The following ARHGAP15 variants were observed in gnomAD, a reference collection of about 807,000 sequenced individuals.
ARHGAP15 encodes rho GTPase-activating protein 15.
Under a neutral mutation model 63.7 loss-of-function variants are expected in ARHGAP15, and 51 were observed. The observed-to-expected ratio is 0.80, with a 90% CI of 0.64 to 1.01. The LOEUF is 1.01. ARHGAP15 is among the 50% of genes least tolerant of loss of function. The pLI is 0.00. For missense variants in ARHGAP15, 560 were observed against 564.6 expected (o/e 0.99, Z 0.08); for synonymous variants, 191 against 193.8 (o/e 0.99, Z 0.12).
chr2:143,562,499 C>A (rs538856020), intron 11 of ARHGAP15, among the ~76,000 whole-genome samples: 1 of 152,190 alleles, frequency 6.6e-6, no homozygotes, highest in South Asian at 2.1e-4. Flanking sequence ...ACAGCAACAA[C>A]GAAACAAACT....
chr2:143,718,164 G>A (rs997415196), intron 13 of ARHGAP15, among the ~76,000 whole-genome samples: 1 of 152,074 alleles, frequency 6.6e-6, no homozygotes, highest in Admixed American at 6.6e-5. Flanking sequence ...AGACTGTAAT[G>A]TCTAGGCTGA....
chr2:143,359,206 G>A (rs66496433), intron 6 of ARHGAP15, among the ~76,000 whole-genome samples: 20,354 of 151,914 alleles, frequency 0.13, 1,656 homozygotes, highest in East Asian at 0.41. Flanking sequence ...ATTATCTTAG[G>A]CAATACTTTT....
intron 6 of ARHGAP15, among the ~76,000 whole-genome samples, chr2:143,299,155 A>T (rs1249892924): frequency 6.6e-6 from 1 of 151,956 alleles, no homozygotes; most frequent in Admixed American, 6.6e-5. Flanking sequence ...GGTCTAAAAA[A>T]TAATGAAGGA....
chr2:143,175,987 A>C (rs1690995830), intron 2 of ARHGAP15, among the ~76,000 whole-genome samples: 1 of 152,214 alleles, frequency 6.6e-6, no homozygotes, highest in Non-Finnish European at 1.5e-5. Flanking sequence ...TACATTGAAA[A>C]TAAAATACGT....
chr2:143,579,285 G>A (rs908604967), intron 11 of ARHGAP15, among the ~76,000 whole-genome samples: 1 of 152,112 alleles, frequency 6.6e-6, no homozygotes, highest in East Asian at 1.9e-4. Flanking sequence ...GTAAAGTTGC[G>A]ATTAGTATTT....
chr2:143,251,155 T>C (rs1465714232), intron 6 of ARHGAP15, among the ~76,000 whole-genome samples: 1 of 152,040 alleles, frequency 6.6e-6, no homozygotes, highest in Non-Finnish European at 1.5e-5. Flanking sequence ...GATGAAATCC[T>C]TGAGAGAGAT....
At chr2:143,673,126 G>A (rs1682612333) in intron 12 of ARHGAP15, among the ~76,000 whole-genome samples, 1 of 151,848 alleles carries the variant, frequency 6.6e-6, no homozygotes, top group Non-Finnish European at 1.5e-5. Flanking sequence ...ATTCAATATT[G>A]GTAATAAATT....
intron 6 of ARHGAP15, among the ~76,000 whole-genome samples, chr2:143,375,225 G>A (rs1196380635): frequency 6.6e-6 from 1 of 152,116 alleles, no homozygotes; most frequent in African/African-American, 2.4e-5. Context: ...TGTGTTCCTA[G>A]TAATAATTGC....
chr2:143,697,016 G>T (rs1683878271), intron 12 of ARHGAP15, among the ~76,000 whole-genome samples: 1 of 152,182 alleles, frequency 6.6e-6, no homozygotes, highest in South Asian at 2.1e-4. Context: ...GGGGTTTGGG[G>T]AGAAGGGCAC....
chr2:143,636,692 G>T (rs1458167647), intron 12 of ARHGAP15, among the ~76,000 whole-genome samples: 1 of 152,120 alleles, frequency 6.6e-6, no homozygotes, highest in Admixed American at 6.5e-5. Flanking sequence ...CCTGTTCAGT[G>T]CTCTCCTTTC....
At chr2:143,623,291 C>G (rs1434482144) in intron 11 of ARHGAP15, among the ~76,000 whole-genome samples, 2 of 152,150 alleles carry the variant, frequency 1.3e-5, no homozygotes, top group African/African-American at 4.8e-5. Context: ...AAAATAATTG[C>G]CCAGCGCACT....
At chr2:143,667,659 A>T (rs1317191960) in intron 12 of ARHGAP15, among the ~76,000 whole-genome samples, 1 of 151,958 alleles carries the variant, frequency 6.6e-6, no homozygotes, top group African/African-American at 2.4e-5. Context: ...AATGCAATTT[A>T]TCATAATTTG....
intron 8 of ARHGAP15, among the ~76,000 whole-genome samples, chr2:143,441,206 T>A (rs1195299940): frequency 1.3e-5 from 2 of 152,094 alleles, no homozygotes; most frequent in African/African-American, 4.8e-5. Context: ...CTTGCCATCC[T>A]ACTCCCTGAG....
intron 2 of ARHGAP15, among the ~76,000 whole-genome samples, chr2:143,187,609 A>T (rs1691502218): frequency 6.6e-6 from 1 of 152,238 alleles, no homozygotes; most frequent in Non-Finnish European, 1.5e-5. Flanking sequence ...CAGAGACGTT[A>T]AACGAATTGC....
At chr2:143,620,054 C>T (rs1172083581) in intron 11 of ARHGAP15, among the ~76,000 whole-genome samples, 1 of 152,122 alleles carries the variant, frequency 6.6e-6, no homozygotes, top group African/African-American at 2.4e-5. Flanking sequence ...GTTTCAGTTG[C>T]CTTAGTCCCT....
chr2:143,197,072 A>G (rs557354235), intron 2 of ARHGAP15, among the ~76,000 whole-genome samples: 3 of 152,136 alleles, frequency 2.0e-5, no homozygotes, highest in Middle Eastern at 3.4e-3. Flanking sequence ...AACTTGAAGA[A>G]TAAAATGTAG....
chr2:143,410,983 C>T (rs897507296), intron 6 of ARHGAP15, among the ~76,000 whole-genome samples: 14 of 152,138 alleles, frequency 9.2e-5, no homozygotes, highest in Non-Finnish European at 4.4e-5. Context: ...GCAGACGGAT[C>T]ACCTGAGGTC....
intron 8 of ARHGAP15, among the ~76,000 whole-genome samples, chr2:143,453,793 C>A (rs1690518419): frequency 6.9e-6 from 1 of 145,722 alleles, no homozygotes; most frequent in African/African-American, 2.5e-5. Flanking sequence ...CAAATTTATC[C>A]AATCGGAAAA....
chr2:143,358,229 C>T (rs760452151), intron 6 of ARHGAP15, among the ~76,000 whole-genome samples: 10 of 152,166 alleles, frequency 6.6e-5, no homozygotes, highest in Admixed American at 1.3e-4. Context: ...TCACTGGACA[C>T]GGAGCCAAGG....
Sources: allele counts gnomAD v4.1 joint callset (sites outside exome capture counted in the v4.1 genomes callset), GRCh38; gene constraint gnomAD v4.1.1; transcripts MANE v1.5; gene names NCBI Gene and HGNC (gene_info 2026-07-23, HGNC 2026-07-21).